PIGK: variants seen among roughly 807,000 people sequenced by gnomAD.
The protein encoded by PIGK is GPI-anchor transamidase.
PIGK carries 42 observed loss-of-function variants against 50.6 expected under a neutral mutation model. The ratio of observed to expected loss-of-function variants is 0.83; its 90% CI spans 0.65 to 1.07. The LOEUF (loss-of-function observed/expected upper bound fraction) is 1.07, where lower values mean the gene tolerates loss of function less well. PIGK is among the 50% of genes least tolerant of loss of function. The pLI is 0.00. For synonymous variants in PIGK, 151 were observed against 156.0 expected, an observed-to-expected ratio of 0.97 and a Z score of 0.24; for missense variants, 448 against 488.7, an observed-to-expected ratio of 0.92 and a Z score of 0.78.
chr1:77,180,157 T>G (rs900965727), intron 3 of PIGK, among the ~76,000 whole-genome samples: 2 of 152,308 alleles, frequency 1.3e-5, no homozygotes, highest in Middle Eastern at 6.8e-3. Context: ...GTTGTTTTTA[T>G]AGTTTGGCAA....
chr1:77,101,674 CTAGTT>C (rs901456554), intron 10 of PIGK, among the ~76,000 whole-genome samples: 3 of 152,128 alleles, frequency 2.0e-5, no homozygotes, highest in African/African-American at 7.2e-5. Flanking sequence ...ACTGTATAAT[CTAGTT>C]TAGGATTCCA....
intron 3 of PIGK, among the ~76,000 whole-genome samples, chr1:77,192,932 T>C (rs1321928270): frequency 2.0e-5 from 3 of 152,190 alleles, no homozygotes; most frequent in African/African-American, 7.2e-5. Context: ...TAGGTTTTAC[T>C]TTCTAAAACC....
chr1:77,123,558 G>A lies in PIGK; in HGVS notation c.987-1199C>T, dbSNP rs1265981095. Among the ~76,000 whole-genome samples, 5 of 151,696 alleles carry A rather than the reference G, an allele frequency of 3.3e-5. No homozygotes were observed. In the East Asian group the frequency reaches 5.8e-4, roughly 18 times the overall value. ...GAGAACTCTGAAGATTCTCACTAAT[G>A]ATGGAAAAAAAAAACTGCCTCAAAA... On this transcript the variant is annotated intron_variant, in intron 9 of 10. Coordinates refer to ENST00000370812, the MANE Select transcript of PIGK (RefSeq NM_005482.3).
intron 7 of PIGK, 40 bp from the exon 8 acceptor site, chr1:77,161,445 T>C (rs951706457): frequency 8.3e-7 from 1 of 1,210,700 alleles, no homozygotes; most frequent in South Asian, 1.2e-5. Flanking sequence ...AACAGTATCA[T>C]TATAACAAAA....
intron 9 of PIGK, among the ~76,000 whole-genome samples, chr1:77,139,374 G>A (rs983188227): frequency 3.3e-5 from 5 of 151,732 alleles, no homozygotes; most frequent in African/African-American, 7.3e-5. Flanking sequence ...CCCCTGTAAA[G>A]GTTTCTTTAG....
chr1:77,206,792 G>A, intron 2 of PIGK, 61 bp from the exon 3 acceptor site: 1 of 980,314 alleles, frequency 1.0e-6, no homozygotes, highest in South Asian at 1.3e-5. Flanking sequence ...GAGCTGCAGA[G>A]TATTTTTCTT....
chr1:77,184,889 A>T (rs1227869659), intron 3 of PIGK, among the ~76,000 whole-genome samples: 1 of 152,182 alleles, frequency 6.6e-6, no homozygotes, highest in Non-Finnish European at 1.5e-5. Flanking sequence ...TCCTGGAGGG[A>T]CTGTGGAGAT....
In PIGK at chr1:77,123,912, T is replaced by C. The variant is rs918991480; in HGVS notation, c.987-1553A>G. On this transcript the variant is annotated intron_variant, in intron 9 of 10. Transcript: ENST00000370812. ...GTATTTGTAGACAGGGTCTTTAAAGTAGTAATTAGCTTACATGAGGTCATT... is the reference window on the plus strand; with the variant it reads ...GTATTTGTAGACAGGGTCTTTAAAGCAGTAATTAGCTTACATGAGGTCATT... Among the ~76,000 whole-genome samples, 4 of 152,030 alleles carry C rather than the reference T, an allele frequency of 2.6e-5. No homozygotes were observed. In the East Asian group the frequency reaches 7.7e-4, roughly 29 times the overall value.
In PIGK at chr1:77,091,055, T is replaced by C. The variant is rs537221805; in HGVS notation, c.*1319A>G. ...TCTTGTGGAGGAAGAGTTGTCTTAATGTTACCTACAATTATAAACAAAATT... is the reference window on the plus strand; with the variant it reads ...TCTTGTGGAGGAAGAGTTGTCTTAACGTTACCTACAATTATAAACAAAATT... On this transcript the variant is annotated 3_prime_UTR_variant, in exon 11 of 11. Coordinates refer to ENST00000370812, the MANE Select transcript of PIGK (RefSeq NM_005482.3). 6.2e-4 allele frequency: 94 copies of C among 152,294 alleles called. No individual in the cohort carries two copies. Among genetic ancestry groups the C allele is most frequent in the African/African-American group, 2.1e-3 (88 of 41,582 alleles). 9.4% of individuals were successfully genotyped at this position (152,294 alleles called of 1,614,324 possible).
chr1:77,119,378 C>G (rs1209881125), intron 10 of PIGK, among the ~76,000 whole-genome samples: 7 of 152,102 alleles, frequency 4.6e-5, no homozygotes, highest in Admixed American at 4.6e-4. Context: ...TTTTATAGTT[C>G]TCTTCACTGC....
At chr1:77,150,712 G>A (rs151075172) in intron 9 of PIGK, among the ~76,000 whole-genome samples, 115 of 152,120 alleles carry the variant, frequency 7.6e-4, no homozygotes, top group Non-Finnish European at 1.2e-3. Flanking sequence ...ACAATATCGT[G>A]AACAAGTACA....
intron 3 of PIGK, among the ~76,000 whole-genome samples, chr1:77,197,500 C>T (rs1656062966): frequency 6.6e-6 from 1 of 152,230 alleles, no homozygotes; most frequent in Non-Finnish European, 1.5e-5. Context: ...TCTCTGCAGG[C>T]TGTGCCAACT....
At chr1:77,112,894 T>C (rs975968166) in intron 10 of PIGK, among the ~76,000 whole-genome samples, 1 of 152,116 alleles carries the variant, frequency 6.6e-6, no homozygotes, top group African/African-American at 2.4e-5. Context: ...CAGCAAAGCA[T>C]ACATATGCCC....
chr1:77,152,405 A>C (rs1570226051), intron 9 of PIGK, among the ~76,000 whole-genome samples: 1 of 152,148 alleles, frequency 6.6e-6, no homozygotes, highest in East Asian at 1.9e-4. Context: ...TACTAAAAGG[A>C]AACACTGGGG....
intron 3 of PIGK, among the ~76,000 whole-genome samples, chr1:77,183,325 C>A (rs907633508): frequency 6.6e-6 from 1 of 152,186 alleles, no homozygotes; most frequent in Admixed American, 6.5e-5. Context: ...CCTCTCCGAC[C>A]CATGCTGCCA....
chr1:77,193,847 A>G (rs1655969203), intron 3 of PIGK, among the ~76,000 whole-genome samples: 1 of 152,190 alleles, frequency 6.6e-6, no homozygotes, highest in South Asian at 2.1e-4. Context: ...AATGGGACCT[A>G]ATTAAAATAA....
intron 6 of PIGK, among the ~76,000 whole-genome samples, chr1:77,162,975 G>A (rs1557810666): frequency 6.6e-6 from 1 of 152,118 alleles, no homozygotes; most frequent in Non-Finnish European, 1.5e-5. Context: ...ATCTTTCTGT[G>A]CCTCAGTTCA....
At chr1:77,094,469 G>A (rs1653364564) in intron 10 of PIGK, among the ~76,000 whole-genome samples, 2 of 152,072 alleles carry the variant, frequency 1.3e-5, no homozygotes, top group South Asian at 4.1e-4. Flanking sequence ...GACTTAAGAA[G>A]GCATTTAAAC....
intron 10 of PIGK, among the ~76,000 whole-genome samples, chr1:77,095,670 C>G (rs1376477915): frequency 6.6e-6 from 1 of 152,146 alleles, no homozygotes; most frequent in African/African-American, 2.4e-5. Flanking sequence ...AGGGAAAACC[C>G]TGTTAGTAGT....
Sources: gnomAD v4.1 joint callset for allele counts (sites outside exome capture counted in the v4.1 genomes callset) on GRCh38, gnomAD v4.1.1 for gene constraint, MANE v1.5 for transcripts, NCBI Gene and HGNC (gene_info 2026-07-23, HGNC 2026-07-21) for gene names.